The following MECOM variants were observed in gnomAD, a reference collection of about 807,000 sequenced individuals.
MECOM encodes the protein histone-lysine N-methyltransferase MECOM.
A neutral mutation model predicts 116.3 loss-of-function variants in MECOM; 13 were observed. That is an observed-to-expected ratio of 0.11 (90% CI 0.07 to 0.18). The LOEUF is 0.18. MECOM is among the 10% of genes least tolerant of loss of function. The pLI, the probability that MECOM is intolerant of heterozygous loss-of-function variation, is 1.00. For synonymous variants in MECOM, 528 were observed against 535.2 expected (o/e 0.99, Z 0.19); for missense variants, 1,299 against 1,509.0 (o/e 0.86, Z 2.31).
intron 4 of MECOM, among the ~76,000 whole-genome samples, chr3:169,130,073 C>G (rs1273083558): frequency 6.6e-6 from 1 of 151,894 alleles, no homozygotes; most frequent in Admixed American, 6.5e-5. Flanking sequence ...TGGATGTAAA[C>G]ATGATATGTT....
chr3:169,424,836 A>G (rs975787252), intron 1 of MECOM, among the ~76,000 whole-genome samples: 12 of 152,046 alleles, frequency 7.9e-5, no homozygotes, highest in African/African-American at 2.9e-4. Flanking sequence ...TATCTGATTC[A>G]TTTATTTTTT....
chr3:169,494,495 A>C (rs527354533), intron 1 of MECOM, among the ~76,000 whole-genome samples: 5 of 152,332 alleles, frequency 3.3e-5, no homozygotes, highest in African/African-American at 1.2e-4. Context: ...AAAAGTTAAA[A>C]AGATCAAACT....
Position 169,116,037 on chromosome 3 carries a change from A to C in MECOM, c.1835T>G (p.Phe612Cys), listed in dbSNP as rs1392181426. 6.2e-7 allele frequency: 1 copy of C among 1,614,046 alleles called. No individual in the cohort carries two copies. Among genetic ancestry groups the C allele is most frequent in the Non-Finnish European group, 8.5e-7 (1 of 1,180,004 alleles). Residue 612 changes from phenylalanine to cysteine, a missense_variant, in exon 8 of 17, where the codon TTT (phenylalanine) becomes TGT (cysteine). This residue lies in a region of MECOM where 238 missense variants were observed against 273.1 expected (regional missense o/e 0.87). Transcript: ENST00000651503. ...TTTGAACATTTTACCATTTTCTTTA[A>C]ATTTCTCTTTATCACTTTCAATGTC... ...ESDIESDKEK[F>C]KENGKMFKDK... is the part of the protein sequence containing the mutation.
intron 1 of MECOM, among the ~76,000 whole-genome samples, chr3:169,582,978 A>G (rs939512573): frequency 3.3e-5 from 5 of 152,268 alleles, no homozygotes; most frequent in Non-Finnish European, 5.9e-5. Context: ...CAAATGATTT[A>G]CAGATATACA....
chr3:169,591,950 T>A (rs1440012869), intron 1 of MECOM, among the ~76,000 whole-genome samples: 1 of 152,326 alleles, frequency 6.6e-6, no homozygotes, highest in East Asian at 1.9e-4. Flanking sequence ...TGTTGTTTTT[T>A]CTGGTCCCCA....
intron 1 of MECOM, among the ~76,000 whole-genome samples, chr3:169,395,906 G>C (rs961266067): frequency 6.6e-6 from 1 of 152,064 alleles, no homozygotes; most frequent in African/African-American, 2.4e-5. Flanking sequence ...CTGGTACATA[G>C]CAAAGGTTCA....
At chr3:169,428,501 G>C (rs948019621) in intron 1 of MECOM, among the ~76,000 whole-genome samples, 4 of 152,152 alleles carry the variant, frequency 2.6e-5, no homozygotes, top group African/African-American at 7.2e-5. Context: ...TCTGCTATGC[G>C]GCCCAGTTCC....
chr3:169,103,124 C>T (rs1033760969), intron 10 of MECOM, among the ~76,000 whole-genome samples: 2 of 150,754 alleles, frequency 1.3e-5, no homozygotes, highest in Non-Finnish European at 3.0e-5. Flanking sequence ...TTGGCTTGAT[C>T]CCTGTTTTTT....
At position 169,143,689 on chromosome 3, in the gene MECOM, A is replaced by G. The variant is rs1738829185; in HGVS notation, c.510+9T>C. The G allele has an allele frequency of 6.4e-7, 1 of 1,562,378 alleles. No homozygotes were observed. The highest frequency in any genetic ancestry group is 8.7e-7 in the Non-Finnish European group (1 of 1,152,940). On this transcript the variant is annotated intron_variant, in intron 3 of 16. Coordinates refer to ENST00000651503, the MANE Select transcript of MECOM (RefSeq NM_004991.4). ...CTCAAGGAAAGACAAGAAAATCTTT[A>G]CAACATACCTGATCATTTATCTGGC...
At chr3:169,404,881 C>T (rs2108417394) in intron 1 of MECOM, among the ~76,000 whole-genome samples, 1 of 152,322 alleles carries the variant, frequency 6.6e-6, no homozygotes, top group African/African-American at 2.4e-5. Flanking sequence ...CCAAGGAAAC[C>T]TCCCATTCCC....
chr3:169,324,914 G>A (rs892580278), intron 2 of MECOM, among the ~76,000 whole-genome samples: 5 of 152,036 alleles, frequency 3.3e-5, no homozygotes, highest in African/African-American at 1.2e-4. Context: ...CCTCATCTCA[G>A]CAAAATCAAA....
chr3:169,658,357 G>A (rs1775788760), intron 1 of MECOM, among the ~76,000 whole-genome samples: 1 of 152,210 alleles, frequency 6.6e-6, no homozygotes, highest in African/African-American at 2.4e-5. Context: ...TATGAGGCTA[G>A]GAAGGAGCCT....
intron 2 of MECOM, among the ~76,000 whole-genome samples, chr3:169,258,300 A>G (rs1757124991): frequency 6.6e-6 from 1 of 152,226 alleles, no homozygotes. Flanking sequence ...CTATAGAACT[A>G]TAGAAAGATC....
intron 2 of MECOM, among the ~76,000 whole-genome samples, chr3:169,320,959 T>A (rs1720743434): frequency 6.6e-6 from 1 of 152,188 alleles, no homozygotes; most frequent in Non-Finnish European, 1.5e-5. Context: ...ATGAGAAATC[T>A]GAGGCTCAGA....
Position 169,133,914 on chromosome 3 carries a change from C to CT in MECOM, c.511-2384dup, listed in dbSNP as rs952939251. ...CTTCTCTCAACAGTTTGAATCACCT[C>CT]TTTTTTTGGCATCTCTCAAAGGTTT... On this transcript the variant is annotated intron_variant, in intron 3 of 16. Transcript: ENST00000651503. 5 of 1,288,968 alleles carry CT rather than the reference C, an allele frequency of 3.9e-6. No homozygotes were observed. In the African/African-American group the frequency reaches 4.6e-5, roughly 12 times the overall value. The allele number at this position is 1,288,968 out of a possible 1,614,324, so 79.8% of individuals were successfully genotyped here.
At chr3:169,354,314 A>G (rs1726875500) in intron 2 of MECOM, among the ~76,000 whole-genome samples, 3 of 151,894 alleles carry the variant, frequency 2.0e-5, no homozygotes, top group Non-Finnish European at 4.4e-5. Context: ...ACCCAAGAAC[A>G]TGTTAAATCT....
chr3:169,206,523 G>A (rs548788286), intron 2 of MECOM, among the ~76,000 whole-genome samples: 28 of 151,940 alleles, frequency 1.8e-4, no homozygotes, highest in Admixed American at 9.2e-4. Flanking sequence ...AGGATGACGC[G>A]GGCAGATTGC....
intron 1 of MECOM, among the ~76,000 whole-genome samples, chr3:169,473,639 C>T (rs1450455816): frequency 2.0e-5 from 3 of 151,892 alleles, no homozygotes; most frequent in South Asian, 2.1e-4. Context: ...TGTGGTGGCA[C>T]ACACCTGTAG....
intron 1 of MECOM, among the ~76,000 whole-genome samples, chr3:169,577,351 C>T (rs1021954244): frequency 6.6e-6 from 1 of 152,166 alleles, no homozygotes; most frequent in African/African-American, 2.4e-5. Flanking sequence ...AAACCCTGTG[C>T]TGCAAGCTGC....
Sources: gnomAD v4.1 joint callset for allele counts (sites outside exome capture counted in the v4.1 genomes callset) on GRCh38, gnomAD v4.1.1 for gene constraint, gnomAD v4.1.1 regional missense constraint, MANE v1.5 for transcripts, NCBI Gene and HGNC (gene_info 2026-07-23, HGNC 2026-07-21) for gene names.